TMED8: variants seen among roughly 807,000 people sequenced by gnomAD.
TMED8 encodes the protein transmembrane p24 trafficking protein family member 8.
Under a neutral mutation model 32.7 loss-of-function variants are expected in TMED8, and 15 were observed. The ratio of observed to expected loss-of-function variants is 0.46; its 90% CI spans 0.31 to 0.71. TMED8 has a LOEUF of 0.71. Among genes scored for constraint, TMED8 ranks in the 30% least tolerant of loss-of-function variants. The probability of loss-of-function intolerance (pLI) is 0.06; values close to 1 mark genes in which losing one functional copy is unlikely to be tolerated. For synonymous variants in TMED8, 147 were observed against 161.4 expected (o/e 0.91, Z 0.68); for missense variants, 390 against 423.9 (o/e 0.92, Z 0.70).
rs1346559956 is a variant in TMED8, at chr14:77,372,907, TATATATATATATATATATATA to T, written c.118+4008_118+4028del. ...TGCACATTGAAATAGCCACAGATAT[TATATATATATATATATATATA>T]TATATATATATATATATATATATAT... On this transcript the variant is annotated intron_variant, in intron 1 of 5. Transcript: ENST00000216468. 3.9e-3 allele frequency among the ~76,000 whole-genome samples: 164 copies of T among 41,876 alleles called. 6 individuals are homozygous for T. Among genetic ancestry groups the T allele is most frequent in the Non-Finnish European group, 4.3e-3 (111 of 25,876 alleles). The allele number at this position is 41,876 out of a possible 152,430, so 27.5% of individuals were successfully genotyped here.
intron 1 of TMED8, among the ~76,000 whole-genome samples, chr14:77,359,098 G>A (rs1893369172): frequency 6.6e-6 from 1 of 152,080 alleles, no homozygotes; most frequent in African/African-American, 2.4e-5. Context: ...CTGTAGAGAT[G>A]GGGTTTTGCC....
rs1222389916 is a variant in TMED8, at chr14:77,337,119, T to C, written c.*4652A>G. 2 of 152,196 alleles carry C rather than the reference T, an allele frequency of 1.3e-5. No homozygotes were observed. The highest frequency in any genetic ancestry group is 2.4e-5 in the African/African-American group (1 of 41,456). The allele number at this position is 152,196 out of a possible 1,614,324, so 9.4% of individuals were successfully genotyped here. On this transcript the variant is annotated 3_prime_UTR_variant, in exon 6 of 6. Coordinates refer to ENST00000216468, the MANE Select transcript of TMED8 (RefSeq NM_213601.3). ...TTTTTAAAGTGCATGTATCAATTCA[T>C]TAAGAAAAAAATAACTAAGAATGGT...
At chr14:77,367,213 G>A (rs1156298546) in intron 1 of TMED8, among the ~76,000 whole-genome samples, 10 of 126,906 alleles carry the variant, frequency 7.9e-5, no homozygotes, top group Non-Finnish European at 4.7e-5. Context: ...CTGCACTCCA[G>A]CCTGGGTGAC....
chr14:77,370,705 T>C (rs1200447186), intron 1 of TMED8, among the ~76,000 whole-genome samples: 1 of 151,112 alleles, frequency 6.6e-6, no homozygotes, highest in Non-Finnish European at 1.5e-5. Flanking sequence ...TTTGGTTTTG[T>C]GTAGTCTTCC....
chr14:77,367,240 TAAAAAA>T (rs56707120), intron 1 of TMED8, among the ~76,000 whole-genome samples: 1 of 25,098 alleles, frequency 4.0e-5, no homozygotes, highest in Non-Finnish European at 8.5e-5. Flanking sequence ...AGACTCTGTC[TAAAAAA>T]AAAAAAAAAA....
At chr14:77,357,279 A>G (rs1229820902) in intron 1 of TMED8, among the ~76,000 whole-genome samples, 1 of 152,216 alleles carries the variant, frequency 6.6e-6, no homozygotes, top group East Asian at 1.9e-4. Flanking sequence ...TTACAAGTTT[A>G]ATGATAAAAA....
chr14:77,373,440 C>T (rs191815760), intron 1 of TMED8, among the ~76,000 whole-genome samples: 77 of 152,236 alleles, frequency 5.1e-4, no homozygotes, highest in Non-Finnish European at 9.1e-4. Context: ...AAATAAAAGA[C>T]TATTAAAAAC....
At chr14:77,350,381 A>G (rs556862935) in intron 2 of TMED8, among the ~76,000 whole-genome samples, 227 of 152,366 alleles carry the variant, frequency 1.5e-3, no homozygotes, top group African/African-American at 5.0e-3. Flanking sequence ...TTTAGTACCT[A>G]GAACAGTATC....
At chr14:77,343,070 T>C in intron 5 of TMED8, 108 bp downstream of exon 5, 1 of 1,130,646 alleles carries the variant, frequency 8.8e-7, no homozygotes, top group South Asian at 1.5e-5. Flanking sequence ...TAATGCTGAG[T>C]TTCTCAACTG....
intron 1 of TMED8, among the ~76,000 whole-genome samples, chr14:77,362,842 C>T (rs1566692038): frequency 6.6e-6 from 1 of 152,000 alleles, no homozygotes. Flanking sequence ...TGTACTTAGA[C>T]AAAATAAAGT....
chr14:77,346,114 T>C (rs1193057316), intron 3 of TMED8, among the ~76,000 whole-genome samples: 5 of 152,158 alleles, frequency 3.3e-5, no homozygotes, highest in African/African-American at 1.2e-4. Flanking sequence ...ACATTCACTC[T>C]AACACTTCGT....
At chr14:77,344,252 C>G (rs978206462) in intron 3 of TMED8, among the ~76,000 whole-genome samples, 2 of 152,200 alleles carry the variant, frequency 1.3e-5, no homozygotes, top group Non-Finnish European at 1.5e-5. Flanking sequence ...TGCCACACAT[C>G]CTCCTGCTAC....
chr14:77,343,770 A>C lies in TMED8; in HGVS notation c.381T>G (p.Ser127=). The C allele has an allele frequency of 6.2e-7, 1 of 1,614,216 alleles. No homozygotes were observed. ...GAACATCTATAGCTCCTGTATGTTC[A>C]GACTGGATCATAACGATGTCCCCAG... The part of the protein sequence containing the change: ...QRSGDIVMIQ[S]EHTGAIDVLS... Residue 127 remains serine (S), a synonymous_variant, in exon 4 of 6, where the codon TCT becomes TCG. Coordinates refer to ENST00000216468, the MANE Select transcript of TMED8 (RefSeq NM_213601.3).
At chr14:77,369,025 C>CT (rs1594854468) in intron 1 of TMED8, among the ~76,000 whole-genome samples, 1 of 152,282 alleles carries the variant, frequency 6.6e-6, no homozygotes, top group East Asian at 1.9e-4. Flanking sequence ...TGCTTATGTA[C>CT]TACCTTTCAC....
At chr14:77,356,103 C>G (rs887443545) in intron 1 of TMED8, among the ~76,000 whole-genome samples, 10 of 152,206 alleles carry the variant, frequency 6.6e-5, no homozygotes, top group Admixed American at 3.3e-4. Flanking sequence ...TTCAAGTGTG[C>G]TCCTCCAACT....
intron 1 of TMED8, among the ~76,000 whole-genome samples, chr14:77,368,628 C>A (rs1378090477): frequency 6.6e-6 from 1 of 152,140 alleles, no homozygotes; most frequent in African/African-American, 2.4e-5. Context: ...CAGGCACGTG[C>A]CACCACACCC....
intron 1 of TMED8, among the ~76,000 whole-genome samples, chr14:77,362,011 G>T (rs1291638936): frequency 2.0e-5 from 3 of 152,216 alleles, no homozygotes; most frequent in East Asian, 1.9e-4. Flanking sequence ...TTGATTTTTT[G>T]GATAGGTTGT....
chr14:77,344,994 T>C (rs1055178508), intron 3 of TMED8, among the ~76,000 whole-genome samples: 1 of 152,100 alleles, frequency 6.6e-6, no homozygotes, highest in Non-Finnish European at 1.5e-5. Context: ...TTTCTTTCTT[T>C]CATTCCTTTT....
chr14:77,372,928 ATATATATATATATATATATATATATTTT>A lies in TMED8; in HGVS notation c.118+3980_118+4007del, dbSNP rs1441869858. On this transcript the variant is annotated intron_variant, in intron 1 of 5. Transcript: ENST00000216468. Reference sequence around the variant, plus strand: ...ATATTATATATATATATATATATATATATATATATATATATATATATATATTTTTTTTTTTTTTTTTTTTTTTTTTTTT... The same window carrying A: ...ATATTATATATATATATATATATATATTTTTTTTTTTTTTTTTTTTTTTTT... 3.8e-3 allele frequency among the ~76,000 whole-genome samples: 100 copies of A among 26,418 alleles called. 3 individuals are homozygous for A. Among genetic ancestry groups the A allele is most frequent in the African/African-American group, 0.028 (94 of 3,418 alleles). 17.3% of individuals were successfully genotyped at this position (26,418 alleles called of 152,430 possible).
Sources: gnomAD v4.1 joint callset for allele counts (sites outside exome capture counted in the v4.1 genomes callset) on GRCh38, gnomAD v4.1.1 for gene constraint, MANE v1.5 for transcripts, NCBI Gene and HGNC (gene_info 2026-07-23, HGNC 2026-07-21) for gene names.